Variants in TSHZ1 observed in about 807,000 individuals in gnomAD.
TSHZ1 encodes teashirt zinc finger homeobox 1, also known as teashirt homolog 1.
In TSHZ1, 12 loss-of-function variants were observed where a neutral mutation model predicts 67.1. That is an observed-to-expected ratio of 0.18 (90% CI 0.11 to 0.29). The LOEUF is 0.29. Among genes scored for constraint, TSHZ1 ranks in the 10% least tolerant of loss-of-function variants. The pLI, the probability that TSHZ1 is intolerant of heterozygous loss-of-function variation, is 1.00. For synonymous variants in TSHZ1, 632 were observed against 622.4 expected, an observed-to-expected ratio of 1.02 and a Z score of -0.23; for missense variants, 1,305 against 1,413.9, an observed-to-expected ratio of 0.92 and a Z score of 1.23.
intron 1 of TSHZ1, among the ~76,000 whole-genome samples, chr18:75,229,096 G>A (rs2022962743): frequency 2.6e-5 from 4 of 152,254 alleles, no homozygotes; most frequent in African/African-American, 4.8e-5. Flanking sequence ...TCAGCCCTGG[G>A]CGGGGCAGGT....
chr18:75,271,790 A>G (rs1206683528), intron 1 of TSHZ1, among the ~76,000 whole-genome samples: 1 of 145,638 alleles, frequency 6.9e-6, no homozygotes, highest in African/African-American at 2.6e-5. Flanking sequence ...ATTATCACTG[A>G]CAAAGGTTTC....
chr18:75,287,925 A>T lies in TSHZ1; in HGVS notation c.2518A>T (p.Ile840Phe). ...TCTGCGGGAGAGCGCACTCATGGAC[A>T]TCTCCGACATGGTGAAAAACCTCAC... ...SPLRESALMD[I>F]SDMVKNLTGR... The change falls in exon 2 of 2, where the codon ATC (isoleucine) becomes TTC (phenylalanine). Residue 840 changes from isoleucine (I) to phenylalanine (F), a missense_variant. This residue lies in a region of TSHZ1 where 909 missense variants were observed against 961.8 expected (regional missense o/e 0.95). Transcript: ENST00000580243. The surrounding 1 kb of genome is among the most constrained non-coding windows in gnomAD (Gnocchi z 5.0). The T allele has an allele frequency of 6.2e-7, 1 of 1,614,218 alleles. No individual in the cohort carries two copies. Among genetic ancestry groups the T allele is most frequent in the Non-Finnish European group, 8.5e-7 (1 of 1,180,052 alleles).
intron 1 of TSHZ1, among the ~76,000 whole-genome samples, chr18:75,254,919 C>A (rs9956641): frequency 0.011 from 1,730 of 152,276 alleles, 17 homozygotes; most frequent in Middle Eastern, 0.054. Flanking sequence ...AGGGTAAACT[C>A]CCAATTATCC....
intron 1 of TSHZ1, among the ~76,000 whole-genome samples, chr18:75,229,479 G>A (rs567897620): frequency 7.9e-4 from 120 of 152,330 alleles, no homozygotes; most frequent in African/African-American, 2.2e-3. Context: ...ACTTGTTCAC[G>A]TCCTTGTAGG....
chr18:75,227,826 A>G (rs1303359915), intron 1 of TSHZ1, among the ~76,000 whole-genome samples: 1 of 151,988 alleles, frequency 6.6e-6, no homozygotes, highest in Non-Finnish European at 1.5e-5. Context: ...TAGCCCTTTC[A>G]TTTTTCTGCA....
chr18:75,264,308 C>G (rs1358288078), intron 1 of TSHZ1, among the ~76,000 whole-genome samples: 6 of 152,048 alleles, frequency 3.9e-5, no homozygotes, highest in Non-Finnish European at 2.9e-5. Flanking sequence ...GATAGTTTAC[C>G]CTTAACGGGA....
chr18:75,235,554 A>G (rs1004618088), intron 1 of TSHZ1, among the ~76,000 whole-genome samples: 8 of 152,202 alleles, frequency 5.3e-5, no homozygotes, highest in Admixed American at 1.3e-4. Flanking sequence ...CATTTTGAGT[A>G]CTTGCTTATT....
Position 75,281,835 on chromosome 18 carries a change from G to T in TSHZ1, c.41-3613G>T, listed in dbSNP as rs890940056. 6.6e-6 allele frequency among the ~76,000 whole-genome samples: 1 copy of T among 152,072 alleles called. No individual in the cohort carries two copies. Among genetic ancestry groups the T allele is most frequent in the Non-Finnish European group, 1.5e-5 (1 of 67,974 alleles). On this transcript the variant is annotated intron_variant, in intron 1 of 1. Coordinates refer to ENST00000580243, the MANE Select transcript of TSHZ1 (RefSeq NM_001308210.2). This position sits in a 1 kb window ranked among gnomAD's most constrained non-coding sequence, Gnocchi z 5.3. Reference sequence around the variant, plus strand: ...GGGGGGCATGCTAGGTGCGGGCAGGGAGAGCCCGAACCTGTGGGGGCCCAG... The same window carrying T: ...GGGGGGCATGCTAGGTGCGGGCAGGTAGAGCCCGAACCTGTGGGGGCCCAG...
chr18:75,287,553 AC>A lies in TSHZ1; in HGVS notation c.2147del (p.Thr716LysfsTer31). 1.2e-6 allele frequency: 2 copies of A among 1,614,238 alleles called. No homozygotes were observed. The highest frequency in any genetic ancestry group is 1.7e-6 in the Non-Finnish European group (2 of 1,180,050). ...GCTGGACGTTCACACCCCAAATGGC[AC>A]AGAGCCTCTCAAAGCAAAGGTCACC... is the stretch of plus-strand genomic sequence containing the variant. ...GPLDVHTPNG[T>X]EPLKAKVTNG... On this transcript the variant is annotated frameshift_variant, in exon 2 of 2. Coordinates refer to ENST00000580243, the MANE Select transcript of TSHZ1 (RefSeq NM_001308210.2). LOFTEE classifies it high-confidence loss of function. The surrounding 1 kb of genome is among the most constrained non-coding windows in gnomAD (Gnocchi z 5.0).
intron 1 of TSHZ1, among the ~76,000 whole-genome samples, chr18:75,231,384 C>T (rs2022996813): frequency 6.6e-6 from 1 of 152,238 alleles, no homozygotes; most frequent in African/African-American, 2.4e-5. Flanking sequence ...CCTTCTCTGG[C>T]CTGGGGCTTC....
rs1404659908 is a variant in TSHZ1, at chr18:75,281,628, T to G, written c.41-3820T>G. ...CCTGGGGTTGTGGAGAAGGTGAGAT[T>G]GGCCAGAGAGAGGCTGCAGTAAGAA... is the stretch of plus-strand genomic sequence containing the variant. On this transcript the variant is annotated intron_variant, in intron 1 of 1. Coordinates refer to ENST00000580243, the MANE Select transcript of TSHZ1 (RefSeq NM_001308210.2). The surrounding 1 kb of genome is among the most constrained non-coding windows in gnomAD (Gnocchi z 5.3). 6.6e-6 allele frequency among the ~76,000 whole-genome samples: 1 copy of G among 152,022 alleles called. No individual in the cohort carries two copies. The highest frequency in any genetic ancestry group is 6.5e-5 in the Admixed American group (1 of 15,284).
At chr18:75,270,156 C>A (rs573281028) in intron 1 of TSHZ1, among the ~76,000 whole-genome samples, 1 of 152,200 alleles carries the variant, frequency 6.6e-6, no homozygotes, top group Non-Finnish European at 1.5e-5. Context: ...TGTGTGTCCA[C>A]CCCCGGCTGT....
intron 1 of TSHZ1, among the ~76,000 whole-genome samples, chr18:75,238,534 C>G (rs2023111243): frequency 6.6e-6 from 1 of 151,950 alleles, no homozygotes; most frequent in Non-Finnish European, 1.5e-5. Context: ...CTGAGAAGAT[C>G]TTATCCAAGG....
chr18:75,255,199 G>A (rs2023348689), intron 1 of TSHZ1, among the ~76,000 whole-genome samples: 1 of 151,820 alleles, frequency 6.6e-6, no homozygotes, highest in South Asian at 2.1e-4. Context: ...CTCTAATATC[G>A]CATTTGGAAG....
chr18:75,241,603 A>G (rs1160472059), intron 1 of TSHZ1, among the ~76,000 whole-genome samples: 2 of 152,156 alleles, frequency 1.3e-5, no homozygotes, highest in African/African-American at 4.8e-5. Context: ...TGTTTATTCC[A>G]TCTTGTTTAT....
At chr18:75,216,420 C>T (rs1045735758) in intron 1 of TSHZ1, among the ~76,000 whole-genome samples, 5 of 152,032 alleles carry the variant, frequency 3.3e-5, no homozygotes, top group African/African-American at 1.2e-4. Context: ...TCTTCTAGGC[C>T]AAATAGAAGT....
chr18:75,263,294 G>A (rs972408384), intron 1 of TSHZ1, among the ~76,000 whole-genome samples: 1 of 152,064 alleles, frequency 6.6e-6, no homozygotes, highest in South Asian at 2.1e-4. Context: ...TTTGAGGACC[G>A]TGAAGTGCTA....
At chr18:75,212,008 C>A in intron 1 of TSHZ1, 92 bp downstream of exon 1, 1 of 1,025,742 alleles carries the variant, frequency 9.7e-7, no homozygotes, top group Non-Finnish European at 1.2e-6. Flanking sequence ...ACGTGGGCCG[C>A]GGGCCGCCCC....
intron 1 of TSHZ1, chr18:75,283,451 GA>G (rs1209065944): frequency 6.6e-6 from 1 of 152,240 alleles, no homozygotes; most frequent in Non-Finnish European, 1.5e-5. Context: ...GAGAGTCATA[GA>G]ATCATCTAGA....
Sources: allele counts gnomAD v4.1 joint callset (sites outside exome capture counted in the v4.1 genomes callset), GRCh38; gene constraint gnomAD v4.1.1; regional missense constraint gnomAD v4.1.1; non-coding constraint Gnocchi (gnomAD v3.1); transcripts MANE v1.5; gene names NCBI Gene and HGNC (gene_info 2026-07-23, HGNC 2026-07-21).